PLCG2: variants seen among roughly 807,000 people sequenced by gnomAD.
The protein encoded by PLCG2 is 1-phosphatidylinositol 4,5-bisphosphate phosphodiesterase gamma-2.
In PLCG2, 69 loss-of-function variants were observed where a neutral mutation model predicts 175.6. The observed-to-expected ratio is 0.39, with a 90% CI of 0.32 to 0.48. The LOEUF (loss-of-function observed/expected upper bound fraction) is 0.48, where lower values mean the gene tolerates loss of function less well. PLCG2 is among the 20% of genes least tolerant of loss of function. PLCG2 has a pLI of 0.91. For missense variants in PLCG2, 1,798 were observed against 1,650.9 expected (o/e 1.09, Z -1.54); for synonymous variants, 827 against 624.0 (o/e 1.33, Z -4.85).
At chr16:81,891,662 C>A (rs556351749) in intron 11 of PLCG2, 72 bp downstream of exon 11, 20 of 854,526 alleles carry the variant, frequency 2.3e-5, no homozygotes, top group Non-Finnish European at 3.7e-5. Flanking sequence ...GGGTCCGATA[C>A]GCCGCTCCGG....
chr16:81,807,221 T>A (rs1904285316), intron 2 of PLCG2, among the ~76,000 whole-genome samples: 1 of 152,160 alleles, frequency 6.6e-6, no homozygotes, highest in Admixed American at 6.5e-5. Context: ...CCCAGCGGTG[T>A]CCTCCTCCTA....
intron 10 of PLCG2, among the ~76,000 whole-genome samples, chr16:81,890,466 G>C (rs1036510455): frequency 6.6e-6 from 1 of 152,192 alleles, no homozygotes; most frequent in African/African-American, 2.4e-5. Context: ...TTCTGATTTT[G>C]GAAAGGCAGT....
At chr16:81,930,075 C>A (rs528216366) in intron 24 of PLCG2, among the ~76,000 whole-genome samples, 54 of 152,142 alleles carry the variant, frequency 3.5e-4, no homozygotes, top group Non-Finnish European at 6.5e-4. Context: ...AAGCAGGGTG[C>A]CTTTAGTCTC....
At chr16:81,830,407 A>G (rs538693063) in intron 2 of PLCG2, among the ~76,000 whole-genome samples, 12 of 152,140 alleles carry the variant, frequency 7.9e-5, no homozygotes, top group Non-Finnish European at 1.0e-4. Context: ...CTTGGGTTCA[A>G]GCGTTTCTTG....
intron 2 of PLCG2, among the ~76,000 whole-genome samples, chr16:81,813,678 G>C (rs1435322981): frequency 6.6e-6 from 1 of 152,196 alleles, no homozygotes; most frequent in African/African-American, 2.4e-5. Flanking sequence ...GTTGCCTGGA[G>C]TCCCTTACCT....
At chr16:81,747,459 C>T (rs991119407) in intron 1 of PLCG2, among the ~76,000 whole-genome samples, 3 of 152,078 alleles carry the variant, frequency 2.0e-5, no homozygotes, top group East Asian at 3.9e-4. Flanking sequence ...TCCTTGAACC[C>T]GGGAGGTGGA....
intron 7 of PLCG2, among the ~76,000 whole-genome samples, chr16:81,876,467 C>T (rs1285049729): frequency 6.6e-6 from 1 of 152,150 alleles, no homozygotes; most frequent in Admixed American, 6.5e-5. Flanking sequence ...CATTCCTTTC[C>T]CTCCCTTTCT....
intron 22 of PLCG2, 105 bp from the exon 23 acceptor site, chr16:81,926,977 G>C (rs1453536022): frequency 1.3e-6 from 1 of 748,172 alleles, no homozygotes; most frequent in Non-Finnish European, 2.4e-6. Context: ...GCCACTTGCT[G>C]TCTGTCCCCA....
intron 14 of PLCG2, among the ~76,000 whole-genome samples, chr16:81,903,673 G>C (rs1299689298): frequency 2.0e-5 from 3 of 152,180 alleles, no homozygotes; most frequent in Non-Finnish European, 4.4e-5. Flanking sequence ...CGGCCATGGA[G>C]GGTCCATGGC....
intron 1 of PLCG2, among the ~76,000 whole-genome samples, 188 bp downstream of exon 1, chr16:81,779,612 C>G (rs1910637834): frequency 6.6e-6 from 1 of 152,062 alleles, no homozygotes; most frequent in African/African-American, 2.4e-5. Context: ...CGGCAGGGAT[C>G]CTGGCCCAGC....
intron 31 of PLCG2, among the ~76,000 whole-genome samples, chr16:81,953,054 C>G (rs914514962): frequency 6.6e-6 from 1 of 152,224 alleles, no homozygotes. Flanking sequence ...CTTGCCAAAA[C>G]TGCATCGCCT....
chr16:81,835,587 T>C (rs1388329805), intron 2 of PLCG2, among the ~76,000 whole-genome samples: 1 of 151,422 alleles, frequency 6.6e-6, no homozygotes, highest in Non-Finnish European at 1.5e-5. Context: ...TCAAATATAA[T>C]AATAATAATA....
In PLCG2 at chr16:81,743,062, A is replaced by C. The variant is rs141357014; in HGVS notation, c.-145+3677A>C. Among the ~76,000 whole-genome samples, 141 of 152,286 alleles carry C rather than the reference A, an allele frequency of 9.3e-4. 2 individuals are homozygous for C. Among genetic ancestry groups the C allele is most frequent in the African/African-American group, 3.3e-3 (137 of 41,566 alleles). On this transcript the variant is annotated intron_variant, in intron 1 of 5. Transcript: ENST00000565054. Reference sequence around the variant, plus strand: ...ATGCCTGTAGTCCCAGCACTTTGGGATGCTGAAGTGGGGGGATCACTTTAG... The same window carrying C: ...ATGCCTGTAGTCCCAGCACTTTGGGCTGCTGAAGTGGGGGGATCACTTTAG...
At chr16:81,752,119 C>G (rs1427300588) in intron 1 of PLCG2, among the ~76,000 whole-genome samples, 1 of 152,172 alleles carries the variant, frequency 6.6e-6, no homozygotes. Context: ...TAGGCCCCGT[C>G]TATCACGTAT....
At chr16:81,749,974 T>G (rs1909774474) in intron 1 of PLCG2, among the ~76,000 whole-genome samples, 1 of 152,078 alleles carries the variant, frequency 6.6e-6, no homozygotes, top group Admixed American at 6.6e-5. Context: ...CTGGCTGGAT[T>G]TGCTGACCTA....
intron 7 of PLCG2, among the ~76,000 whole-genome samples, chr16:81,875,391 C>G (rs1459551819): frequency 6.6e-6 from 1 of 152,218 alleles, no homozygotes; most frequent in Non-Finnish European, 1.5e-5. Context: ...GGCCTGTTTA[C>G]TGCAGGGTAG....
At chr16:81,770,754 C>T (rs974106106) in intron 2 of PLCG2, among the ~76,000 whole-genome samples, 5 of 152,042 alleles carry the variant, frequency 3.3e-5, no homozygotes, top group South Asian at 2.1e-4. Flanking sequence ...TGAGGTATAA[C>T]GTGCATAAAA....
intron 2 of PLCG2, among the ~76,000 whole-genome samples, chr16:81,829,719 C>G (rs1905185291): frequency 6.6e-6 from 1 of 151,554 alleles, no homozygotes; most frequent in South Asian, 2.1e-4. Flanking sequence ...GTGTTTCTTT[C>G]TTTTGAATTG....
At chr16:81,761,025 T>C (rs1484652603) in intron 2 of PLCG2, among the ~76,000 whole-genome samples, 1 of 152,122 alleles carries the variant, frequency 6.6e-6, no homozygotes, top group African/African-American at 2.4e-5. Context: ...TACTTCTCAG[T>C]AGCTGGGACT....
Sources: gnomAD v4.1 joint callset for allele counts (sites outside exome capture counted in the v4.1 genomes callset) on GRCh38, gnomAD v4.1.1 for gene constraint, MANE v1.5 for transcripts, NCBI Gene and HGNC (gene_info 2026-07-23, HGNC 2026-07-21) for gene names.